KIAA0825: variants seen among roughly 807,000 people sequenced by gnomAD.
KIAA0825 encodes the protein uncharacterized protein KIAA0825.
KIAA0825 carries 119 observed loss-of-function variants against 147.6 expected under a neutral mutation model. The observed-to-expected ratio is 0.81, with a 90% confidence interval of 0.69 to 0.94. The LOEUF (loss-of-function observed/expected upper bound fraction) is 0.94. KIAA0825 is among the 40% of genes least tolerant of loss of function. The pLI is 0.00. For synonymous variants in KIAA0825, 470 were observed against 518.1 expected (o/e 0.91, Z 1.26); for missense variants, 1,381 against 1,472.7 (o/e 0.94, Z 1.02).
At chr5:94,503,940 T>G (rs755788091) in intron 5 of KIAA0825, among the ~76,000 whole-genome samples, 33 of 152,150 alleles carry the variant, frequency 2.2e-4, no homozygotes, top group Non-Finnish European at 4.0e-4. Flanking sequence ...TGAAAGAGCA[T>G]GCTGCAGAAG....
At chr5:94,600,086 T>C (rs989039197) in intron 1 of KIAA0825, among the ~76,000 whole-genome samples, 1 of 152,208 alleles carries the variant, frequency 6.6e-6, no homozygotes, top group African/African-American at 2.4e-5. Flanking sequence ...TTAACATCAT[T>C]AGAGAAATGC....
Position 94,345,072 on chromosome 5 carries a change from G to A in KIAA0825, c.3710+39296C>T, listed in dbSNP as rs114199159. Among the ~76,000 whole-genome samples the A allele has an allele frequency of 9.1e-3, 1,379 of 151,796 alleles. 28 individuals carry two copies. The highest frequency in any genetic ancestry group is 0.032 in the African/African-American group (1,318 of 41,402). ...GTTAAATGGTACATTTTATGTATAC[G>A]TTACCATAAAAAAAAAAGTCTGGAC... On this transcript the variant is annotated intron_variant, in intron 20 of 20. Transcript: ENST00000682413.
intron 12 of KIAA0825, among the ~76,000 whole-genome samples, chr5:94,453,784 G>A (rs1207314452): frequency 6.6e-6 from 1 of 152,040 alleles, no homozygotes; most frequent in Non-Finnish European, 1.5e-5. Context: ...CTTCCCATGA[G>A]TAGTATTTTT....
At chr5:94,607,595 C>G (rs530964239) in intron 1 of KIAA0825, among the ~76,000 whole-genome samples, 1 of 152,232 alleles carries the variant, frequency 6.6e-6, no homozygotes, top group African/African-American at 2.4e-5. Context: ...GGTGACACAG[C>G]AAGTGTCCGT....
intron 1 of KIAA0825, among the ~76,000 whole-genome samples, chr5:94,616,757 T>C (rs1014670386): frequency 1.1e-4 from 16 of 152,242 alleles, no homozygotes; most frequent in Admixed American, 5.2e-4. Context: ...CTAAAGAAAC[T>C]GCATTATTTA....
At chr5:94,313,466 G>T (rs1779356001) in intron 20 of KIAA0825, among the ~76,000 whole-genome samples, 1 of 151,594 alleles carries the variant, frequency 6.6e-6, no homozygotes, top group Non-Finnish European at 1.5e-5. Context: ...TTTAAAGCAG[G>T]AATTCTAATA....
chr5:94,229,492 T>C (rs887788745), intron 20 of KIAA0825, among the ~76,000 whole-genome samples: 4 of 149,596 alleles, frequency 2.7e-5, no homozygotes, highest in Admixed American at 6.7e-5. Context: ...ATGGAACTGG[T>C]CCATATTGAA....
At chr5:94,403,878 A>G in intron 15 of KIAA0825, 85 bp from the exon 16 acceptor site, 3 of 1,140,406 alleles carry the variant, frequency 2.6e-6, no homozygotes, top group Non-Finnish European at 3.8e-6. Context: ...TTTTGTAATC[A>G]TCTAGTTTAA....
intron 1 of KIAA0825, among the ~76,000 whole-genome samples, chr5:94,614,543 C>G (rs941363360): frequency 6.6e-6 from 1 of 152,164 alleles, no homozygotes; most frequent in Non-Finnish European, 1.5e-5. Flanking sequence ...ATCCATCTTA[C>G]ATAGCCAAAG....
At chr5:94,555,815 T>C (rs1167982443) in intron 2 of KIAA0825, among the ~76,000 whole-genome samples, 1 of 152,334 alleles carries the variant, frequency 6.6e-6, no homozygotes, top group Admixed American at 6.5e-5. Context: ...CTGGCACTCA[T>C]ATATTTCACA....
chr5:94,368,590 T>C (rs914549926), intron 20 of KIAA0825, among the ~76,000 whole-genome samples: 3 of 152,128 alleles, frequency 2.0e-5, no homozygotes, highest in Non-Finnish European at 4.4e-5. Flanking sequence ...TCTGGAGGCA[T>C]GAGCAGGAGA....
At chr5:94,472,716 C>T (rs1381318411) in intron 8 of KIAA0825, among the ~76,000 whole-genome samples, 1 of 152,064 alleles carries the variant, frequency 6.6e-6, no homozygotes, top group Non-Finnish European at 1.5e-5. Flanking sequence ...TGCACTCCAG[C>T]CTGGGCGACA....
intron 20 of KIAA0825, among the ~76,000 whole-genome samples, chr5:94,282,041 G>T (rs1250944004): frequency 6.6e-6 from 1 of 152,036 alleles, no homozygotes; most frequent in Admixed American, 6.6e-5. Context: ...CAAAATGTTA[G>T]CAAGTTGCTT....
intron 20 of KIAA0825, among the ~76,000 whole-genome samples, chr5:94,291,639 T>A (rs1204986229): frequency 1.3e-5 from 2 of 152,202 alleles, no homozygotes; most frequent in Admixed American, 6.5e-5. Flanking sequence ...TTTTTTCAAA[T>A]TCTGTGAAGA....
intron 20 of KIAA0825, among the ~76,000 whole-genome samples, chr5:94,356,817 C>T (rs1784334637): frequency 6.8e-6 from 1 of 147,486 alleles, no homozygotes; most frequent in Non-Finnish European, 1.5e-5. Context: ...CTCCGCCTCC[C>T]GGGTTCAAGA....
At chr5:94,558,789 T>C (rs1176605500) in intron 2 of KIAA0825, among the ~76,000 whole-genome samples, 2 of 152,184 alleles carry the variant, frequency 1.3e-5, no homozygotes, top group Non-Finnish European at 1.5e-5. Context: ...ATTCTCCACC[T>C]TCCACTGAAG....
At chr5:94,253,971 T>C (rs1242003566) in intron 20 of KIAA0825, among the ~76,000 whole-genome samples, 1 of 152,130 alleles carries the variant, frequency 6.6e-6, no homozygotes, top group Non-Finnish European at 1.5e-5. Flanking sequence ...TTCTAATTCT[T>C]GCCAATAGAC....
At position 94,153,257 on chromosome 5, in the gene KIAA0825, A is replaced by G. The variant is rs1173387277; in HGVS notation, c.*750T>C. On this transcript the variant is annotated 3_prime_UTR_variant, in exon 21 of 21. Coordinates refer to ENST00000682413, the MANE Select transcript of KIAA0825 (RefSeq NM_001145678.3). The stretch of plus-strand genomic sequence containing the variant: ...ATATGAGCTAATGAGCTTTGGGGTA[A>G]AGATTGCTGGAATTAGTTTTGAGCC... 6.6e-6 allele frequency: 1 copy of G among 151,982 alleles called. No homozygotes were observed. The highest frequency in any genetic ancestry group is 1.5e-5 in the Non-Finnish European group (1 of 68,020). The allele number at this position is 151,982 out of a possible 1,614,324, so 9.4% of individuals were successfully genotyped here.
chr5:94,475,190 T>C (rs755618436), intron 7 of KIAA0825, among the ~76,000 whole-genome samples: 3 of 152,208 alleles, frequency 2.0e-5, no homozygotes, highest in African/African-American at 7.2e-5. Context: ...CCCTGTGCTA[T>C]GACAGTAATT....
Sources: gnomAD v4.1 joint callset for allele counts (sites outside exome capture counted in the v4.1 genomes callset) on GRCh38, gnomAD v4.1.1 for gene constraint, MANE v1.5 for transcripts, NCBI Gene and HGNC (gene_info 2026-07-23, HGNC 2026-07-21) for gene names.